C1GALT1: variants seen among roughly 807,000 people sequenced by gnomAD.
The protein encoded by C1GALT1 is core 1 synthase, glycoprotein-N-acetylgalactosamine 3-beta-galactosyltransferase 1, also known as glycoprotein-N-acetylgalactosamine 3-beta-galactosyltransferase 1.
Under a neutral mutation model 31.0 loss-of-function variants are expected in C1GALT1, and 11 were observed. That is an observed-to-expected ratio of 0.36 (90% CI 0.22 to 0.59). The LOEUF (loss-of-function observed/expected upper bound fraction) is 0.59. C1GALT1 is among the 20% of genes least tolerant of loss of function. C1GALT1 has a pLI of 0.79. For synonymous variants in C1GALT1, 175 were observed against 143.6 expected, an observed-to-expected ratio of 1.22 and a Z score of -1.56; for missense variants, 424 against 425.2, an observed-to-expected ratio of 1.00 and a Z score of 0.03.
chr7:7,178,423 A>G (rs757467256), upstream of C1GALT1: 15 of 193,058 alleles, frequency 7.8e-5, no homozygotes, highest in Non-Finnish European at 1.5e-4. Flanking sequence ...TTGCTTGGAG[A>G]TGGCAGACAA....
intron 1 of C1GALT1, among the ~76,000 whole-genome samples, chr7:7,191,262 A>C (rs942935864): frequency 3.3e-5 from 5 of 152,104 alleles, no homozygotes; most frequent in African/African-American, 1.2e-4. Flanking sequence ...TGATTGGCTT[A>C]TTTCATTTAG....
chr7:7,176,317 A>G (rs1780505973), intron 2 of C1GALT1, among the ~76,000 whole-genome samples: 1 of 152,262 alleles, frequency 6.6e-6, no homozygotes, highest in South Asian at 2.1e-4. Flanking sequence ...TTATGCAGCT[A>G]CACAATTTGT....
intron 1 of C1GALT1, among the ~76,000 whole-genome samples, chr7:7,226,550 T>G (rs558254306): frequency 6.6e-6 from 1 of 152,274 alleles, no homozygotes; most frequent in African/African-American, 2.4e-5. Flanking sequence ...AAAGGCTGTA[T>G]CCTCAGAATT....
rs572541196 is a variant in C1GALT1, at chr7:7,246,225, A to AAG, written c.*2498_*2499insAG. On this transcript the variant is annotated 3_prime_UTR_variant, in exon 4 of 4. Coordinates refer to ENST00000436587, the MANE Select transcript of C1GALT1 (RefSeq NM_020156.5). ...TAGATAAGGAAACTGAGGCTCAGAGACAAAGTAACTTTGTCACTGTCACAA... is the reference window on the plus strand; with the variant it reads ...TAGATAAGGAAACTGAGGCTCAGAGAAGCAAAGTAACTTTGTCACTGTCACAA... 1 of 151,756 alleles carries AAG rather than the reference A, an allele frequency of 6.6e-6. No individual in the cohort carries two copies. The highest frequency in any genetic ancestry group is 1.5e-5 in the Non-Finnish European group (1 of 67,950). 9.4% of individuals were successfully genotyped at this position (151,756 alleles called of 1,614,324 possible). A position where few individuals can be genotyped will look rare whatever the true frequency, so the allele number is the denominator to read the frequency against.
intron 1 of C1GALT1, among the ~76,000 whole-genome samples, chr7:7,202,723 T>C (rs535716792): frequency 3.3e-5 from 5 of 152,324 alleles, no homozygotes; most frequent in African/African-American, 1.2e-4. Context: ...TAATATTCCA[T>C]ATGAATTTTA....
At chr7:7,235,866 CT>C (rs1342625713) in intron 2 of C1GALT1, among the ~76,000 whole-genome samples, 1 of 152,198 alleles carries the variant, frequency 6.6e-6, no homozygotes, top group African/African-American at 2.4e-5. Flanking sequence ...TCAGTACATT[CT>C]AACAGTGCTG....
At chr7:7,220,163 C>T (rs950560158) in intron 1 of C1GALT1, among the ~76,000 whole-genome samples, 3 of 152,068 alleles carry the variant, frequency 2.0e-5, no homozygotes, top group Non-Finnish European at 4.4e-5. Context: ...TTTGTAGTAG[C>T]AGGCCATATA....
At chr7:7,223,747 C>T (rs1583810403) in intron 1 of C1GALT1, among the ~76,000 whole-genome samples, 2 of 152,068 alleles carry the variant, frequency 1.3e-5, no homozygotes, top group African/African-American at 4.8e-5. Flanking sequence ...TATGCCTTTT[C>T]ATTCTCTTTT....
upstream of C1GALT1, chr7:7,178,231 G>T: frequency 4.3e-6 from 1 of 230,494 alleles, no homozygotes; most frequent in South Asian, 7.8e-5. Flanking sequence ...GTAGACCTGA[G>T]AAATGTAGAC....
At chr7:7,188,007 G>C (rs1780896011) in intron 1 of C1GALT1, among the ~76,000 whole-genome samples, 1 of 136,770 alleles carries the variant, frequency 7.3e-6, no homozygotes, top group South Asian at 2.5e-4. Flanking sequence ...TCATTCTGGT[G>C]ACGGGGTATG....
chr7:7,166,714 A>G (rs1369105076), intron 2 of C1GALT1, among the ~76,000 whole-genome samples: 1 of 152,200 alleles, frequency 6.6e-6, no homozygotes, highest in Non-Finnish European at 1.5e-5. Context: ...CTTAATCTCT[A>G]AGACTACATT....
chr7:7,218,826 C>T (rs1782372009), intron 1 of C1GALT1, among the ~76,000 whole-genome samples: 1 of 150,788 alleles, frequency 6.6e-6, no homozygotes, highest in South Asian at 2.1e-4. Flanking sequence ...ACATCTCAAA[C>T]CGTGTTTCTA....
At chr7:7,159,465 A>T (rs1211374961) in intron 2 of C1GALT1, among the ~76,000 whole-genome samples, 2 of 152,108 alleles carry the variant, frequency 1.3e-5, no homozygotes, top group African/African-American at 2.4e-5. Context: ...TGGAACAGAA[A>T]TAGAAATGCA....
intron 1 of C1GALT1, among the ~76,000 whole-genome samples, chr7:7,208,488 C>T (rs1266210331): frequency 6.6e-6 from 1 of 152,022 alleles, no homozygotes; most frequent in Non-Finnish European, 1.5e-5. Flanking sequence ...TCTATTTTCC[C>T]TTGTATATGC....
chr7:7,187,986 T>C (rs553698522), intron 1 of C1GALT1, among the ~76,000 whole-genome samples: 1 of 147,002 alleles, frequency 6.8e-6, no homozygotes, highest in Non-Finnish European at 1.5e-5. Context: ...CAGCTTTTCA[T>C]TTTAGAGAGC....
At chr7:7,226,942 A>G (rs1212292466) in intron 1 of C1GALT1, among the ~76,000 whole-genome samples, 1 of 152,176 alleles carries the variant, frequency 6.6e-6, no homozygotes, top group African/African-American at 2.4e-5. Flanking sequence ...ATGTGTATAT[A>G]TATATTTGTA....
At chr7:7,196,080 T>C (rs905866865) in intron 1 of C1GALT1, among the ~76,000 whole-genome samples, 2 of 152,174 alleles carry the variant, frequency 1.3e-5, no homozygotes, top group Non-Finnish European at 2.9e-5. Context: ...TTTTTTATTA[T>C]ACTTCAAAGT....
intron 1 of C1GALT1, among the ~76,000 whole-genome samples, chr7:7,227,471 A>G (rs550939598): frequency 1.3e-5 from 2 of 152,330 alleles, no homozygotes; most frequent in South Asian, 4.1e-4. Flanking sequence ...CTGTAATCCC[A>G]GCACTTTGGG....
chr7:7,234,741 T>C (rs1367188449), intron 2 of C1GALT1: 8 of 486,752 alleles, frequency 1.6e-5, no homozygotes, highest in Non-Finnish European at 2.2e-5. Context: ...CGTTTTTAAG[T>C]AGAAATAGTT....
Sources: gnomAD v4.1 joint callset for allele counts (sites outside exome capture counted in the v4.1 genomes callset) on GRCh38, gnomAD v4.1.1 for gene constraint, MANE v1.5 for transcripts, NCBI Gene and HGNC (gene_info 2026-07-23, HGNC 2026-07-21) for gene names.